The following PDGFC variants were observed in gnomAD, a reference collection of about 807,000 sequenced individuals.
PDGFC encodes the protein platelet derived growth factor C.
PDGFC carries 12 observed loss-of-function variants against 35.5 expected under a neutral mutation model. That is an observed-to-expected ratio of 0.34 (90% CI 0.22 to 0.55). The LOEUF (loss-of-function observed/expected upper bound fraction) is 0.55. Ranked by LOEUF, PDGFC falls within the 20% of genes least tolerant of loss-of-function variation. The probability of loss-of-function intolerance (pLI) is 0.91; values close to 1 mark genes in which losing one functional copy is unlikely to be tolerated. For missense variants in PDGFC, 322 were observed against 412.4 expected (o/e 0.78, Z 1.90); for synonymous variants, 159 against 148.8 (o/e 1.07, Z -0.50).
At chr4:156,935,372 T>A (rs1458918589) in intron 1 of PDGFC, among the ~76,000 whole-genome samples, 1 of 152,206 alleles carries the variant, frequency 6.6e-6, no homozygotes, top group Non-Finnish European at 1.5e-5. Context: ...CAAAAATCAG[T>A]AACACAGTCA....
At chr4:156,956,334 G>A (rs1041258761) in intron 1 of PDGFC, among the ~76,000 whole-genome samples, 1 of 151,966 alleles carries the variant, frequency 6.6e-6, no homozygotes, top group Admixed American at 6.6e-5. Context: ...TCCTCAGTCC[G>A]ATGGCATTAG....
At chr4:156,764,587 T>G (rs1730470939) in intron 5 of PDGFC, among the ~76,000 whole-genome samples, 1 of 152,218 alleles carries the variant, frequency 6.6e-6, no homozygotes, top group African/African-American at 2.4e-5. Flanking sequence ...CCTGAAGAGA[T>G]AAACTTCAAA....
At chr4:156,782,523 T>C (rs1031744232) in intron 3 of PDGFC, among the ~76,000 whole-genome samples, 1 of 152,198 alleles carries the variant, frequency 6.6e-6, no homozygotes, top group African/African-American at 2.4e-5. Flanking sequence ...TTTTTTTACA[T>C]TTTTAAATCA....
chr4:156,812,442 C>G (rs910872718), intron 2 of PDGFC, among the ~76,000 whole-genome samples: 3 of 152,048 alleles, frequency 2.0e-5, no homozygotes, highest in African/African-American at 7.2e-5. Context: ...ATAACTGCTT[C>G]TATGAATTGC....
chr4:156,970,636 G>A, intron 1 of PDGFC, 150 bp downstream of exon 1: 1 of 672,424 alleles, frequency 1.5e-6, no homozygotes, highest in Non-Finnish European at 2.7e-6. Flanking sequence ...ACCTTTAACA[G>A]TCCATGCCAA....
At chr4:156,939,096 C>T (rs2110901228) in intron 1 of PDGFC, among the ~76,000 whole-genome samples, 1 of 152,094 alleles carries the variant, frequency 6.6e-6, no homozygotes, top group Admixed American at 6.5e-5. Flanking sequence ...TGGCTTCTCT[C>T]TCAGCCTTAA....
At chr4:156,932,851 C>T (rs1336615486) in intron 1 of PDGFC, among the ~76,000 whole-genome samples, 10 of 151,506 alleles carry the variant, frequency 6.6e-5, no homozygotes, top group Admixed American at 2.0e-4. Flanking sequence ...ACATATGTAA[C>T]TAACCTGCAC....
At chr4:156,911,256 T>C (rs1430433257) in intron 1 of PDGFC, among the ~76,000 whole-genome samples, 1 of 152,154 alleles carries the variant, frequency 6.6e-6, no homozygotes, top group Non-Finnish European at 1.5e-5. Context: ...ATACTATGCT[T>C]TATTTGAAAA....
chr4:156,868,410 A>G (rs769052260), intron 1 of PDGFC, among the ~76,000 whole-genome samples: 1 of 152,182 alleles, frequency 6.6e-6, no homozygotes, highest in Non-Finnish European at 1.5e-5. Context: ...CTGTGTGAAC[A>G]CTACCCATTA....
At chr4:156,869,011 CTACAT>C (rs1453049039) in intron 1 of PDGFC, among the ~76,000 whole-genome samples, 1 of 152,190 alleles carries the variant, frequency 6.6e-6, no homozygotes, top group African/African-American at 2.4e-5. Context: ...AGTTTCTCCT[CTACAT>C]TAGTTTCTAA....
intron 1 of PDGFC, chr4:156,886,583 C>G (rs1730380760): frequency 6.6e-6 from 1 of 152,186 alleles, no homozygotes; most frequent in Non-Finnish European, 1.5e-5. Flanking sequence ...TGACCATGAC[C>G]TTCATGAAGG....
At chr4:156,890,434 C>T (rs547205594) in intron 1 of PDGFC, among the ~76,000 whole-genome samples, 27 of 152,250 alleles carry the variant, frequency 1.8e-4, no homozygotes, top group Non-Finnish European at 2.9e-4. Context: ...ACTTGGCACG[C>T]GCTGCCGTCT....
At chr4:156,918,719 C>G (rs1026740058) in intron 1 of PDGFC, among the ~76,000 whole-genome samples, 2 of 152,186 alleles carry the variant, frequency 1.3e-5, no homozygotes, top group Non-Finnish European at 2.9e-5. Context: ...CTCCCCACCC[C>G]TGGTCTGAAG....
rs1730812500 is a variant in PDGFC at position 156,902,468 on chromosome 4, T to A, written c.119-52052A>T. Among the ~76,000 whole-genome samples the A allele has an allele frequency of 1.3e-5, 2 of 152,192 alleles. 1 individual carries two copies. Among genetic ancestry groups the A allele is most frequent in the South Asian group, 4.1e-4 (2 of 4,832 alleles). ...CGTTTTAATCATGTATTGCATGTTT[T>A]TATGTTAACTCTAACATGTGTACAT... On this transcript the variant is annotated intron_variant, in intron 1 of 5. Transcript: ENST00000502773.
Position 156,971,721 on chromosome 4 carries a change from G to A in PDGFC, c.-818C>T, listed in dbSNP as rs1241809184. Among the ~76,000 whole-genome samples, 1 of 151,968 alleles carries A rather than the reference G, an allele frequency of 6.6e-6. No homozygotes were observed. Among genetic ancestry groups the A allele is most frequent in the South Asian group, 2.1e-4 (1 of 4,830 alleles). ...CCGCTCGGGGTCACCGCGGGGCTCC[G>A]GTTGTTCCCCGTCCCCTCCCCCCAC... On this transcript the variant is annotated 5_prime_UTR_variant, in exon 1 of 6. Coordinates refer to ENST00000502773, the MANE Select transcript of PDGFC (RefSeq NM_016205.3).
chr4:156,850,422 G>A lies in PDGFC; in HGVS notation c.119-6C>T. ...ATGCTGAGGATCTTGTACTCCTAAA[G>A]CAAAAAACATAGACATAGACATACA... On this transcript the variant is annotated splice_polypyrimidine_tract_variant and splice_region_variant and intron_variant, in intron 1 of 5. Transcript: ENST00000502773. The A allele has an allele frequency of 6.5e-7, 1 of 1,533,294 alleles. No homozygotes were observed. Among genetic ancestry groups the A allele is most frequent in the Admixed American group, 1.9e-5 (1 of 51,414 alleles). 95.0% of individuals were successfully genotyped at this position (1,533,294 alleles called of 1,614,324 possible). A position where few individuals can be genotyped will look rare whatever the true frequency, so the allele number is the denominator to read the frequency against.
intron 3 of PDGFC, among the ~76,000 whole-genome samples, chr4:156,800,386 G>A (rs868660835): frequency 2.8e-4 from 42 of 151,938 alleles, no homozygotes; most frequent in Non-Finnish European, 4.7e-4. Flanking sequence ...ACATAAAAAT[G>A]GAAAGTTATA....
At chr4:156,811,514 T>C (rs1175059498) in intron 2 of PDGFC, among the ~76,000 whole-genome samples, 3 of 152,202 alleles carry the variant, frequency 2.0e-5, no homozygotes, top group Admixed American at 6.6e-5. Flanking sequence ...CACTTGGTAC[T>C]GTTCTTCCTT....
At chr4:156,821,986 G>T (rs1029829998) in intron 2 of PDGFC, among the ~76,000 whole-genome samples, 1 of 152,090 alleles carries the variant, frequency 6.6e-6, no homozygotes, top group African/African-American at 2.4e-5. Flanking sequence ...TCAGTAAAGG[G>T]ACTGAATTTA....
Sources: allele counts gnomAD v4.1 joint callset (sites outside exome capture counted in the v4.1 genomes callset), GRCh38; gene constraint gnomAD v4.1.1; transcripts MANE v1.5; gene names NCBI Gene and HGNC (gene_info 2026-07-23, HGNC 2026-07-21).